XIRP2: variants seen among roughly 807,000 people sequenced by gnomAD.
XIRP2 encodes xin actin binding repeat containing 2, also known as xin actin-binding repeat-containing protein 2.
In XIRP2, 236 loss-of-function variants were observed where a neutral mutation model predicts 277.0. The observed-to-expected ratio is 0.85, with a 90% CI of 0.77 to 0.95. The LOEUF is 0.95. Among genes scored for constraint, XIRP2 ranks in the 40% least tolerant of loss-of-function variants. The probability of loss-of-function intolerance (pLI) is 0.00; values close to 1 mark genes in which losing one functional copy is unlikely to be tolerated. For synonymous variants in XIRP2, 1,490 were observed against 1,416.5 expected (o/e 1.05, Z -1.17); for missense variants, 4,640 against 4,157.5 (o/e 1.12, Z -3.19).
chr2:167,116,034 G>C (rs1203626054), intron 2 of XIRP2, among the ~76,000 whole-genome samples: 1 of 152,056 alleles, frequency 6.6e-6, no homozygotes, highest in African/African-American at 2.4e-5. Context: ...AATTTGTTGA[G>C]GTTTGTTTTA....
At chr2:167,011,966 C>T (rs1481809234) in intron 2 of XIRP2, among the ~76,000 whole-genome samples, 3 of 151,788 alleles carry the variant, frequency 2.0e-5, no homozygotes, top group African/African-American at 7.3e-5. Flanking sequence ...TCTCTCTTTT[C>T]TTCTTTATTA....
chr2:167,068,704 G>A (rs1689366532), intron 2 of XIRP2, among the ~76,000 whole-genome samples: 1 of 151,950 alleles, frequency 6.6e-6, no homozygotes, highest in Non-Finnish European at 1.5e-5. Flanking sequence ...TGGCTCAAAG[G>A]CCATAGTTTT....
chr2:167,067,749 C>G (rs1425066164), intron 2 of XIRP2, among the ~76,000 whole-genome samples: 1 of 152,168 alleles, frequency 6.6e-6, no homozygotes, highest in Non-Finnish European at 1.5e-5. Context: ...GAAAAATGCA[C>G]TATCTGTGAA....
intron 2 of XIRP2, among the ~76,000 whole-genome samples, chr2:167,005,276 A>T (rs1179461984): frequency 6.6e-6 from 1 of 151,844 alleles, no homozygotes; most frequent in African/African-American, 2.4e-5. Flanking sequence ...ATATTTTGTC[A>T]TATTCTTTAG....
intron 2 of XIRP2, among the ~76,000 whole-genome samples, chr2:166,917,731 T>C (rs984301732): frequency 6.6e-6 from 1 of 152,150 alleles, no homozygotes; most frequent in Non-Finnish European, 1.5e-5. Context: ...GACATTTTAC[T>C]CAGTAGACTA....
In XIRP2 at chr2:167,250,234, T is replaced by A. The variant is rs1559044602; in HGVS notation, c.8842T>A (p.Leu2948Met). ...AGGTGCCTTAAATATAGTGGAATTC[T>A]TGAGAAAACGTGAAGAACTGCAACA... ...GKGALNIVEF[L>M]RKREELQQIL... Residue 2948 changes from leucine to methionine, a missense_variant, in exon 9 of 11, where the codon TTG becomes ATG. By Grantham distance (15) the Leu-to-Met change is conservative. Coordinates refer to ENST00000409195, the MANE Select transcript of XIRP2 (RefSeq NM_152381.6). 1.9e-6 allele frequency: 3 copies of A among 1,613,316 alleles called. No homozygotes were observed. The highest frequency in any genetic ancestry group is 2.5e-6 in the Non-Finnish European group (3 of 1,179,640).
chr2:166,940,077 G>A (rs940828733), intron 2 of XIRP2, among the ~76,000 whole-genome samples: 1 of 152,148 alleles, frequency 6.6e-6, no homozygotes, highest in Non-Finnish European at 1.5e-5. Flanking sequence ...GTCACTTTCA[G>A]GTACACCAGT....
chr2:167,242,789 T>C lies in XIRP2; in HGVS notation c.1397T>C (p.Val466Ala). The change falls in exon 9 of 11, where the codon GTG (valine) becomes GCG (alanine). Residue 466 changes from valine to alanine, a missense_variant. By Grantham distance (64) the Val-to-Ala change is moderately conservative. Transcript: ENST00000409195. Reference protein sequence around the residue: ...PPDVLQTSVDVTAFSQSPELP... With the variant: ...PPDVLQTSVDATAFSQSPELP... Reference sequence around the variant, plus strand: ...GACGTACTTCAAACTTCAGTAGATGTGACAGCATTTTCCCAGTCCCCTGAA... The same window carrying C: ...GACGTACTTCAAACTTCAGTAGATGCGACAGCATTTTCCCAGTCCCCTGAA... 1.2e-6 allele frequency: 2 copies of C among 1,614,078 alleles called. No individual in the cohort carries two copies. The highest frequency in any genetic ancestry group is 1.7e-6 in the Non-Finnish European group (2 of 1,179,930).
intron 4 of XIRP2, among the ~76,000 whole-genome samples, chr2:167,214,205 A>AGAGGGAGGGAGGGAGG (rs1287801221): frequency 1.0e-4 from 7 of 67,046 alleles, no homozygotes; most frequent in African/African-American, 8.5e-4. Context: ...AGAGAGAAAG[A>AGAGGGAGGGAGGGAGG]GAGGGAGGGA....
At chr2:167,138,820 T>C (rs1312296728) in intron 3 of XIRP2, among the ~76,000 whole-genome samples, 2 of 152,062 alleles carry the variant, frequency 1.3e-5, no homozygotes, top group African/African-American at 4.8e-5. Flanking sequence ...AATCCCAGCA[T>C]TTTGGGAGGC....
rs866836227 is a variant in XIRP2 at position 167,140,761 on chromosome 2, C to T, written c.562+4699C>T. 3 of 152,226 alleles carry T rather than the reference C, an allele frequency of 2.0e-5. No homozygotes were observed. In the East Asian group the frequency reaches 5.8e-4, roughly 29 times the overall value. The allele number at this position is 152,226 out of a possible 1,614,324, so 9.4% of individuals were successfully genotyped here. The stretch of plus-strand genomic sequence containing the variant: ...GATGGCCTTTGTAAAATAAAGAATC[C>T]ATTTTTTGTATCAGTAATCATCTCT... On this transcript the variant is annotated intron_variant, in intron 3 of 10. Transcript: ENST00000409195.
chr2:167,244,511 G>A lies in XIRP2; in HGVS notation c.3119G>A (p.Arg1040Lys), dbSNP rs775137596. 1.9e-6 allele frequency: 3 copies of A among 1,613,460 alleles called. No homozygotes were observed. In the African/African-American group the frequency reaches 4.0e-5, roughly 22 times the overall value. ...DESIHKFQII[R>K]GISAQEIQTG... ...AGCATTCATAAATTTCAAATAATTA[G>A]AGGAATATCTGCTCAAGAAATACAG... Residue 1040 changes from arginine (R) to lysine (K), a missense_variant, in exon 9 of 11, where the codon AGA (arginine) becomes AAA (lysine). Arg to Lys is a conservative substitution (Grantham distance 26). Coordinates refer to ENST00000409195, the MANE Select transcript of XIRP2 (RefSeq NM_152381.6).
intron 2 of XIRP2, among the ~76,000 whole-genome samples, chr2:166,933,901 A>G (rs1455112433): frequency 6.6e-6 from 1 of 152,086 alleles, no homozygotes; most frequent in Non-Finnish European, 1.5e-5. Flanking sequence ...CTTGTTGTTG[A>G]CTATTCCAGT....
At chr2:166,899,596 G>A (rs890798927) in intron 1 of XIRP2, among the ~76,000 whole-genome samples, 12 of 152,024 alleles carry the variant, frequency 7.9e-5, no homozygotes, top group Non-Finnish European at 2.9e-5. Context: ...CTGAGAATGT[G>A]TTTATTTTTT....
At chr2:167,195,517 T>C (rs1174075678) in intron 3 of XIRP2, among the ~76,000 whole-genome samples, 4 of 152,188 alleles carry the variant, frequency 2.6e-5, no homozygotes, top group Non-Finnish European at 5.9e-5. Flanking sequence ...TCCAACTTTA[T>C]TTACTTAATC....
intron 3 of XIRP2, among the ~76,000 whole-genome samples, chr2:167,184,058 G>A (rs929584022): frequency 7.9e-5 from 12 of 152,062 alleles, no homozygotes; most frequent in Admixed American, 2.0e-4. Context: ...CGAAGCTTCC[G>A]AATTTGGCAA....
chr2:167,224,524 T>A (rs1367550467), intron 5 of XIRP2, among the ~76,000 whole-genome samples: 1 of 151,930 alleles, frequency 6.6e-6, no homozygotes, highest in Non-Finnish European at 1.5e-5. Context: ...GGAATTACAG[T>A]CATGAGCCAC....
At chr2:166,945,363 C>A (rs1180560874) in intron 2 of XIRP2, among the ~76,000 whole-genome samples, 1 of 151,928 alleles carries the variant, frequency 6.6e-6, no homozygotes, top group Non-Finnish European at 1.5e-5. Flanking sequence ...CGTTGTAGGA[C>A]ATTTTAACAA....
At chr2:167,019,029 G>C (rs1049211165) in intron 2 of XIRP2, among the ~76,000 whole-genome samples, 1 of 151,976 alleles carries the variant, frequency 6.6e-6, no homozygotes, top group Non-Finnish European at 1.5e-5. Context: ...AGAGTTTGCT[G>C]AGTGAATAAC....
Sources: allele counts gnomAD v4.1 joint callset (sites outside exome capture counted in the v4.1 genomes callset), GRCh38; gene constraint gnomAD v4.1.1; transcripts MANE v1.5; gene names NCBI Gene and HGNC (gene_info 2026-07-23, HGNC 2026-07-21).